Variants in WNT5B observed in about 807,000 individuals in gnomAD.
WNT5B encodes the protein Wnt family member 5B.
Under a neutral mutation model 36.5 loss-of-function variants are expected in WNT5B, and 18 were observed. That is an observed-to-expected ratio of 0.49 (90% CI 0.34 to 0.73). WNT5B has a LOEUF of 0.73. Ranked by LOEUF, WNT5B falls within the 30% of genes least tolerant of loss-of-function variation. The pLI is 0.01. For missense variants in WNT5B, 424 were observed against 508.4 expected (o/e 0.83, Z 1.60); for synonymous variants, 213 against 212.3 (o/e 1.00, Z -0.03).
rs147003268 is a variant in WNT5B at position 1,640,400 on chromosome 12, A to G, written c.621+424A>G. ...CTCTGTTAAAGGCTCTGGTAATAGC[A>G]GAGTCGACTTTCAAGAACTGCTGTC... On this transcript the variant is annotated intron_variant, in intron 4 of 4. Transcript: ENST00000397196. Among the ~76,000 whole-genome samples, 370 of 152,322 alleles carry G rather than the reference A, an allele frequency of 2.4e-3. 3 individuals are homozygous for G. The highest frequency in any genetic ancestry group is 8.4e-3 in the African/African-American group (348 of 41,564).
chr12:1,635,362 T>G (rs1397167210), intron 3 of WNT5B, among the ~76,000 whole-genome samples: 1 of 152,220 alleles, frequency 6.6e-6, no homozygotes, highest in Admixed American at 6.5e-5. Flanking sequence ...ATCAGACATA[T>G]GTAGCTTGGA....
Position 1,644,123 on chromosome 12 carries a change from C to T in WNT5B, c.622-1671C>T, listed in dbSNP as rs1255382363. Among the ~76,000 whole-genome samples the T allele has an allele frequency of 6.6e-6, 1 of 152,188 alleles. No homozygotes were observed. Among genetic ancestry groups the T allele is most frequent in the Non-Finnish European group, 1.5e-5 (1 of 68,044 alleles). The stretch of plus-strand genomic sequence containing the variant: ...TCAGCAGTGCCAGACGCCTGTCATC[C>T]ATCTCTAAGCCAAGGACCATTTCCA... On this transcript the variant is annotated intron_variant, in intron 4 of 4. Transcript: ENST00000397196. The surrounding 1 kb of genome is among the most constrained non-coding windows in gnomAD (Gnocchi z 5.1).
upstream of WNT5B, among the ~76,000 whole-genome samples, chr12:1,626,887 ACATTCTATAGCT>A (rs1810926024): frequency 6.6e-6 from 1 of 152,202 alleles, no homozygotes; most frequent in South Asian, 2.1e-4. Context: ...TTTAAATTAC[ACATTCTATAGCT>A]CCCCACTGGG....
chr12:1,646,065 G>T lies in WNT5B; in HGVS notation c.893G>T (p.Gly298Val). 6.2e-7 allele frequency: 1 copy of T among 1,613,626 alleles called. No individual in the cohort carries two copies. ...CLRNESTGSL[G>V]TQGRLCNKTS... ...CGCAACGAGAGCACGGGCTCCCTGGGCACGCAGGGCCGCCTCTGCAACAAG... is the reference window on the plus strand; with the variant it reads ...CGCAACGAGAGCACGGGCTCCCTGGTCACGCAGGGCCGCCTCTGCAACAAG... The change falls in exon 5 of 5, where the codon GGC (glycine) becomes GTC (valine). Residue 298 changes from glycine (G) to valine (V), a missense_variant. Coordinates refer to ENST00000397196, the MANE Select transcript of WNT5B (RefSeq NM_032642.3).
chr12:1,625,488 C>A (rs1365174444), upstream of WNT5B, among the ~76,000 whole-genome samples: 5 of 152,186 alleles, frequency 3.3e-5, no homozygotes, highest in Non-Finnish European at 5.9e-5. Context: ...GCCTGCTCCT[C>A]CTCCACCTGC....
In WNT5B at chr12:1,630,678, A is replaced by AT. The variant is rs1013125131; in HGVS notation, c.-57-617dup. ...GGGCGGTTCGCGGCGTGGCTTGTAC[A>AT]TTTCTCAGAGAAGCTGCCTTGAGAA... On this transcript the variant is annotated intron_variant, in intron 1 of 4. Transcript: ENST00000397196. This position sits in a 1 kb window ranked among gnomAD's most constrained non-coding sequence, Gnocchi z 5.3. 150 of 152,242 alleles carry AT rather than the reference A, an allele frequency of 9.9e-4. 1 individual carries two copies. Among genetic ancestry groups the AT allele is most frequent in the African/African-American group, 3.5e-3 (145 of 41,524 alleles). 9.4% of individuals were successfully genotyped at this position (152,242 alleles called of 1,614,324 possible). A position where few individuals can be genotyped will look rare whatever the true frequency, so the allele number is the denominator to read the frequency against.
Position 1,639,881 on chromosome 12 carries a change from G to C in WNT5B, c.526G>C (p.Val176Leu). 1 of 1,614,076 alleles carries C rather than the reference G, an allele frequency of 6.2e-7. No homozygotes were observed. The highest frequency in any genetic ancestry group is 2.2e-5 in the East Asian group (1 of 44,870). Residue 176 changes from valine to leucine, a missense_variant, in exon 4 of 5, where the codon GTG becomes CTG. Physicochemically the swap from Val to Leu is conservative, Grantham distance 32. Coordinates refer to ENST00000397196, the MANE Select transcript of WNT5B (RefSeq NM_032642.3). Reference sequence around the variant, plus strand: ...CGGCTACCGCTTCGCCAAGGAGTTTGTGGATGCCCGGGAGCGAGAGAAGAA... The same window carrying C: ...CGGCTACCGCTTCGCCAAGGAGTTTCTGGATGCCCGGGAGCGAGAGAAGAA... ...EYGYRFAKEF[V>L]DAREREKNFA...
chr12:1,623,911 A>G (rs889581605), intron 1 of WNT5B, among the ~76,000 whole-genome samples: 4 of 152,202 alleles, frequency 2.6e-5, no homozygotes, highest in African/African-American at 7.2e-5. Flanking sequence ...CATTTTGGCT[A>G]GGGGAGAAGT....
chr12:1,626,925 GCTTTT>G (rs754964983), upstream of WNT5B, among the ~76,000 whole-genome samples: 12 of 152,122 alleles, frequency 7.9e-5, no homozygotes, highest in Non-Finnish European at 1.2e-4. Flanking sequence ...AAGTAAGAGT[GCTTTT>G]CTTTTCTTTC....
At chr12:1,639,572 C>T in intron 3 of WNT5B, 112 bp from the exon 4 acceptor site, 2 of 1,232,598 alleles carry the variant, frequency 1.6e-6, no homozygotes. Context: ...CCCCCTGCCC[C>T]AGGGGTGTCA....
At chr12:1,639,457 G>A (rs1423578685) in intron 3 of WNT5B, among the ~76,000 whole-genome samples, 2 of 152,034 alleles carry the variant, frequency 1.3e-5, no homozygotes, top group East Asian at 1.9e-4. Flanking sequence ...TTTCTTCCGG[G>A]TGGTTTCGCA....
Position 1,644,991 on chromosome 12 carries a change from G to A in WNT5B, c.622-803G>A, listed in dbSNP as rs1592541627. On this transcript the variant is annotated intron_variant, in intron 4 of 4. Coordinates refer to ENST00000397196, the MANE Select transcript of WNT5B (RefSeq NM_032642.3). This position sits in a 1 kb window ranked among gnomAD's most constrained non-coding sequence, Gnocchi z 5.1. ...TCTGGGGGCTGCTCGGGAGGAAGAC[G>A]GTGGTCTTGCTCACAAATGGATGGT... 6.6e-6 allele frequency: 1 copy of A among 152,218 alleles called. No homozygotes were observed. The highest frequency in any genetic ancestry group is 1.5e-5 in the Non-Finnish European group (1 of 68,084). The allele number at this position is 152,218 out of a possible 1,614,324, so 9.4% of individuals were successfully genotyped here.
intron 4 of WNT5B, among the ~76,000 whole-genome samples, chr12:1,642,234 C>T (rs562449170): frequency 1.3e-5 from 2 of 152,262 alleles, no homozygotes; most frequent in African/African-American, 4.8e-5. Context: ...TATTTGCCCA[C>T]GTCTTTGGGT....
intron 4 of WNT5B, among the ~76,000 whole-genome samples, chr12:1,640,747 T>C (rs2094573507): frequency 6.6e-6 from 1 of 152,208 alleles, no homozygotes; most frequent in Admixed American, 6.5e-5. Flanking sequence ...ACCCCCCCTC[T>C]GAGCACACAT....
intron 3 of WNT5B, among the ~76,000 whole-genome samples, chr12:1,638,614 T>C (rs1388713429): frequency 6.6e-6 from 1 of 152,186 alleles, no homozygotes; most frequent in East Asian, 1.9e-4. Context: ...ATTATATGAA[T>C]GTTGAGGTGG....
In WNT5B at chr12:1,639,972, G is replaced by T. The variant is rs2094571575; in HGVS notation, c.617G>T (p.Arg206Leu). ...LMNLQNNEAGRRAVYKMADVA... is the reference protein window; with the variant it reads ...LMNLQNNEAGLRAVYKMADVA... ...AACCTGCAAAACAACGAGGCCGGTC[G>T]CAGGGTAAGCTGGGCCTCCCCGGCC... is the stretch of plus-strand genomic sequence containing the variant. The change falls in exon 4 of 5, where the codon CGC becomes CTC. Residue 206 changes from arginine (R) to leucine (L), a missense_variant. Physicochemically the swap from Arg to Leu is moderately radical, Grantham distance 102 (BLOSUM62 -2). Coordinates refer to ENST00000397196, the MANE Select transcript of WNT5B (RefSeq NM_032642.3). 4 of 1,610,998 alleles carry T rather than the reference G, an allele frequency of 2.5e-6. No homozygotes were observed. Among genetic ancestry groups the T allele is most frequent in the South Asian group, 1.1e-5 (1 of 90,612 alleles).
At chr12:1,639,294 C>T (rs560657862) in intron 3 of WNT5B, among the ~76,000 whole-genome samples, 5 of 151,634 alleles carry the variant, frequency 3.3e-5, no homozygotes, top group African/African-American at 4.8e-5. Flanking sequence ...CCCGCCACCA[C>T]GCCCGGCTAA....
rs1445777344 is a variant in WNT5B, at chr12:1,633,889, T to C, written c.328+984T>C. On this transcript the variant is annotated intron_variant, in intron 3 of 4. Coordinates refer to ENST00000397196, the MANE Select transcript of WNT5B (RefSeq NM_032642.3). This position sits in a 1 kb window ranked among gnomAD's most constrained non-coding sequence, Gnocchi z 4.8. ...CCCCCTCCCACTTATTCCAGACCTC[T>C]TTCCCTACCCTCTCTGTCCCATATT... 1.3e-5 allele frequency among the ~76,000 whole-genome samples: 2 copies of C among 152,260 alleles called. No homozygotes were observed. Among genetic ancestry groups the C allele is most frequent in the East Asian group, 3.9e-4 (2 of 5,162 alleles).
chr12:1,634,613 C>T (rs547738759), intron 3 of WNT5B, among the ~76,000 whole-genome samples: 4 of 152,292 alleles, frequency 2.6e-5, no homozygotes, highest in African/African-American at 9.6e-5. Context: ...GCCTAATTTT[C>T]CCCCTTCCTT....
Sources: gnomAD v4.1 joint callset for allele counts (sites outside exome capture counted in the v4.1 genomes callset) on GRCh38, gnomAD v4.1.1 for gene constraint, Gnocchi (gnomAD v3.1) non-coding constraint, MANE v1.5 for transcripts, NCBI Gene and HGNC (gene_info 2026-07-23, HGNC 2026-07-21) for gene names.